Variants in AKT3 observed in about 807,000 individuals in gnomAD.
AKT3 encodes the protein AKT serine/threonine kinase 3, also known as RAC-gamma serine/threonine-protein kinase.
A neutral mutation model predicts 65.3 loss-of-function variants in AKT3; 15 were observed. The observed-to-expected ratio is 0.23, with a 90% CI of 0.15 to 0.35. The LOEUF (loss-of-function observed/expected upper bound fraction) is 0.35, where lower values mean the gene tolerates loss of function less well. Ranked by LOEUF, AKT3 falls within the 10% of genes least tolerant of loss-of-function variation. The probability of loss-of-function intolerance (pLI) is 1.00; values close to 1 mark genes in which losing one functional copy is unlikely to be tolerated. For synonymous variants in AKT3, 206 were observed against 183.8 expected (o/e 1.12, Z -0.98); for missense variants, 243 against 576.5 (o/e 0.42, Z 5.92).
intron 2 of AKT3, among the ~76,000 whole-genome samples, chr1:243,709,188 T>C (rs1375246293): frequency 6.6e-6 from 1 of 151,380 alleles, no homozygotes; most frequent in African/African-American, 2.4e-5. Context: ...TGCTAATCTT[T>C]ATGTCAGAGT....
chr1:243,492,757 G>A (rs1666877100), intron 13 of AKT3, among the ~76,000 whole-genome samples: 1 of 151,466 alleles, frequency 6.6e-6, no homozygotes. Flanking sequence ...ACAGGTGCCT[G>A]CCACCACGCC....
chr1:243,685,362 T>C (rs931748953), intron 3 of AKT3, among the ~76,000 whole-genome samples: 2 of 152,200 alleles, frequency 1.3e-5, no homozygotes, highest in Middle Eastern at 3.2e-3. Context: ...GCATAAAGTG[T>C]AAGGAAGGGG....
chr1:243,826,182 G>C (rs552736287), intron 2 of AKT3, among the ~76,000 whole-genome samples: 21 of 152,126 alleles, frequency 1.4e-4, no homozygotes, highest in African/African-American at 5.1e-4. Context: ...CCTAGGACCA[G>C]ACAAAATGGC....
intron 11 of AKT3, among the ~76,000 whole-genome samples, chr1:243,552,446 T>C (rs1673151609): frequency 1.3e-5 from 2 of 151,918 alleles, no homozygotes; most frequent in Non-Finnish European, 2.9e-5. Flanking sequence ...CCCCACAAGA[T>C]CAAGTAACAG....
chr1:243,721,867 A>C (rs1240954205), intron 2 of AKT3, among the ~76,000 whole-genome samples: 5 of 152,132 alleles, frequency 3.3e-5, no homozygotes, highest in Non-Finnish European at 7.4e-5. Context: ...AGGTGAGATT[A>C]CCCTACAGAT....
intron 2 of AKT3, among the ~76,000 whole-genome samples, chr1:243,722,946 A>G (rs1483498026): frequency 6.6e-6 from 1 of 152,204 alleles, no homozygotes; most frequent in African/African-American, 2.4e-5. Flanking sequence ...AAAATGTTCA[A>G]TGTGAAATTG....
chr1:243,560,174 G>T (rs1214912083), intron 10 of AKT3, among the ~76,000 whole-genome samples: 2 of 152,000 alleles, frequency 1.3e-5, no homozygotes, highest in Non-Finnish European at 2.9e-5. Context: ...CCACTCCACT[G>T]TATGGAACTA....
intron 2 of AKT3, among the ~76,000 whole-genome samples, chr1:243,777,852 T>C (rs1690655534): frequency 6.6e-6 from 1 of 152,174 alleles, no homozygotes; most frequent in East Asian, 1.9e-4. Context: ...AAGATAATAT[T>C]CAAATTCAAA....
At chr1:243,625,056 C>G (rs539107154) in intron 6 of AKT3, 34 of 330,278 alleles carry the variant, frequency 1.0e-4, no homozygotes, top group Admixed American at 5.5e-4. Flanking sequence ...GCCTCCTCCA[C>G]CCTTGCCCTT....
intron 8 of AKT3, among the ~76,000 whole-genome samples, chr1:243,579,665 A>G (rs1675193570): frequency 6.6e-6 from 1 of 152,216 alleles, no homozygotes; most frequent in South Asian, 2.1e-4. Flanking sequence ...AACATATTAA[A>G]TAGTGCCTTC....
chr1:243,723,195 C>T (rs1302219096), intron 2 of AKT3, among the ~76,000 whole-genome samples: 1 of 152,080 alleles, frequency 6.6e-6, no homozygotes, highest in East Asian at 1.9e-4. Flanking sequence ...TTCTGAATAC[C>T]TCAGTCTCAC....
chr1:243,606,584 GTT>G, intron 8 of AKT3, among the ~76,000 whole-genome samples: 1 of 152,324 alleles, frequency 6.6e-6, no homozygotes, highest in South Asian at 2.1e-4. Flanking sequence ...GAGAAGAAAA[GTT>G]TGCAAAATTT....
At chr1:243,651,524 G>A (rs1402480791) in intron 4 of AKT3, among the ~76,000 whole-genome samples, 1 of 152,178 alleles carries the variant, frequency 6.6e-6, no homozygotes, top group Non-Finnish European at 1.5e-5. Context: ...GATATTTGCT[G>A]TAAGTTTGTC....
Position 243,501,937 on chromosome 1 carries a change from C to T in AKT3, c.*3312G>A, listed in dbSNP as rs1376312333. ...CAGGAAATAGACAGGTTTAGTATGA[C>T]CAACAGTAATAGTAATACAGTTTCT... On this transcript the variant is annotated 3_prime_UTR_variant, in exon 14 of 14. Coordinates refer to ENST00000673466, the MANE Select transcript of AKT3 (RefSeq NM_005465.7). 3 of 232,502 alleles carry T rather than the reference C, an allele frequency of 1.3e-5. No homozygotes were observed. Among genetic ancestry groups the T allele is most frequent in the Non-Finnish European group, 2.5e-5 (3 of 117,744 alleles). The allele number at this position is 232,502 out of a possible 1,614,324, so 14.4% of individuals were successfully genotyped here.
intron 6 of AKT3, among the ~76,000 whole-genome samples, chr1:243,616,077 A>T (rs116106498): frequency 1.8e-3 from 269 of 151,456 alleles, no homozygotes; most frequent in African/African-American, 6.0e-3. Flanking sequence ...TTATTTCAAT[A>T]GGTTTTTGGG....
intron 3 of AKT3, among the ~76,000 whole-genome samples, chr1:243,673,276 A>G (rs1193389432): frequency 6.6e-6 from 1 of 152,230 alleles, no homozygotes; most frequent in Non-Finnish European, 1.5e-5. Flanking sequence ...ACATAAGTAT[A>G]GGCAAAATAA....
chr1:243,750,833 C>T (rs374103121), intron 2 of AKT3, among the ~76,000 whole-genome samples: 2 of 151,982 alleles, frequency 1.3e-5, no homozygotes, highest in Admixed American at 6.6e-5. Context: ...CTGCCCGCCT[C>T]GGCCTCCCAA....
At chr1:243,813,912 C>T (rs1477334883) in intron 2 of AKT3, among the ~76,000 whole-genome samples, 1 of 152,100 alleles carries the variant, frequency 6.6e-6, no homozygotes, top group Non-Finnish European at 1.5e-5. Flanking sequence ...CAAGATTAGC[C>T]TGGACAATCT....
At chr1:243,535,497 C>T (rs887357770) in intron 12 of AKT3, among the ~76,000 whole-genome samples, 3 of 152,114 alleles carry the variant, frequency 2.0e-5, no homozygotes, top group African/African-American at 7.2e-5. Context: ...TCCTGAGTTA[C>T]CCCACTTAGG....
Sources: gnomAD v4.1 joint callset for allele counts (sites outside exome capture counted in the v4.1 genomes callset) on GRCh38, gnomAD v4.1.1 for gene constraint, MANE v1.5 for transcripts, NCBI Gene and HGNC (gene_info 2026-07-23, HGNC 2026-07-21) for gene names.